The following SH3GL1 variants were observed in gnomAD, a reference collection of about 807,000 sequenced individuals.
SH3GL1 encodes SH3 domain containing GRB2 like 1, endophilin A2.
A neutral mutation model predicts 48.8 loss-of-function variants in SH3GL1; 21 were observed. The observed-to-expected ratio is 0.43, with a 90% CI of 0.30 to 0.62. The LOEUF is 0.62. Among genes scored for constraint, SH3GL1 ranks in the 20% least tolerant of loss-of-function variants. SH3GL1 has a pLI of 0.11. For missense variants in SH3GL1, 454 were observed against 503.0 expected (o/e 0.90, Z 0.93); for synonymous variants, 282 against 217.5 (o/e 1.30, Z -2.61).
chr19:4,388,171 T>C (rs1973270834), intron 1 of SH3GL1, among the ~76,000 whole-genome samples: 1 of 152,156 alleles, frequency 6.6e-6, no homozygotes, highest in African/African-American at 2.4e-5. Flanking sequence ...TTCCAGTTAC[T>C]GTTATTGAGC....
At chr19:4,363,960 C>T (rs1972699957) in intron 5 of SH3GL1, 82 bp from the exon 6 acceptor site, 1 of 1,604,320 alleles carries the variant, frequency 6.2e-7, no homozygotes, top group African/African-American at 1.3e-5. Context: ...TGTCCCTGCA[C>T]CACTGGGGAT....
Position 4,380,487 on chromosome 19 carries a change from A to G in SH3GL1, c.46-13493T>C, listed in dbSNP as rs113339745. ...GAGCACGCAGGAGAGAGGGCATGAC[A>G]TGAGCCTGCAGCAGTGAGGCTGGCT... On this transcript the variant is annotated intron_variant, in intron 1 of 9. Coordinates refer to ENST00000269886, the MANE Select transcript of SH3GL1 (RefSeq NM_003025.4). Among the ~76,000 whole-genome samples, 63 of 152,254 alleles carry G rather than the reference A, an allele frequency of 4.1e-4. No homozygotes were observed. The Middle Eastern group carries it at 0.01, about 25-fold the overall frequency.
chr19:4,363,935 A>G (rs944242276), intron 5 of SH3GL1, 57 bp from the exon 6 acceptor site: 22 of 1,609,896 alleles, frequency 1.4e-5, no homozygotes, highest in Admixed American at 5.0e-5. Context: ...CGCCCCACGC[A>G]TGGCTTTGAC....
intron 1 of SH3GL1, among the ~76,000 whole-genome samples, chr19:4,397,225 C>T (rs1164441731): frequency 6.6e-6 from 1 of 152,168 alleles, no homozygotes; most frequent in East Asian, 1.9e-4. Flanking sequence ...TCTAAGAGCA[C>T]GACTCAGGAC....
At chr19:4,382,830 G>C (rs1023658615) in intron 1 of SH3GL1, among the ~76,000 whole-genome samples, 1 of 152,182 alleles carries the variant, frequency 6.6e-6, no homozygotes, top group Non-Finnish European at 1.5e-5. Context: ...CTGAGCCACT[G>C]TTCAGAGGGG....
rs1231351728 is a variant in SH3GL1, at chr19:4,367,330, C to T, written c.46-336G>A. ...AGCCTCAGCCTGAGAACACATGGCT[C>T]AGAAGACACTGCTTCCAGAAGCGCC... On this transcript the variant is annotated intron_variant, in intron 1 of 9. Coordinates refer to ENST00000269886, the MANE Select transcript of SH3GL1 (RefSeq NM_003025.4). The surrounding 1 kb of genome is among the most constrained non-coding windows in gnomAD (Gnocchi z 4.2). Among the ~76,000 whole-genome samples, 1 of 152,168 alleles carries T rather than the reference C, an allele frequency of 6.6e-6. No individual in the cohort carries two copies. The highest frequency in any genetic ancestry group is 1.5e-5 in the Non-Finnish European group (1 of 68,020).
chr19:4,394,888 A>G (rs1326132308), intron 1 of SH3GL1, among the ~76,000 whole-genome samples: 2 of 152,134 alleles, frequency 1.3e-5, no homozygotes, highest in Non-Finnish European at 2.9e-5. Flanking sequence ...ATGCTTGGCA[A>G]CCATCCCTGG....
chr19:4,366,987 C>A lies in SH3GL1; in HGVS notation c.53G>T (p.Ser18Ile). 6.2e-7 allele frequency: 1 copy of A among 1,614,030 alleles called. No homozygotes were observed. The highest frequency in any genetic ancestry group is 8.5e-7 in the Non-Finnish European group (1 of 1,179,908). ...CCCCTCGGCCCCTCCGACCTTCTCA[C>A]TGACCAGCTAGAGGACAGAAGAGGG... ...KQFYKASQLV[S>I]EKVGGAEGTK... The change falls in exon 2 of 10, where the codon AGT becomes ATT. Residue 18 changes from serine to isoleucine, a missense_variant. By Grantham distance (142) the Ser-to-Ile change is moderately radical. Around this residue, in one of 2 missense-constraint regions of SH3GL1, gnomAD observed 176 missense variants for 256.2 expected, o/e 0.69. Transcript: ENST00000269886.
chr19:4,362,406 G>A (rs748060140), intron 8 of SH3GL1, 21 bp from the exon 9 acceptor site: 3 of 1,606,034 alleles, frequency 1.9e-6, no homozygotes, highest in Non-Finnish European at 2.6e-6. Context: ...GCAAAACGAG[G>A]AGGCTGTGGG....
chr19:4,379,922 G>C (rs1599608511), intron 1 of SH3GL1, among the ~76,000 whole-genome samples: 1 of 152,326 alleles, frequency 6.6e-6, no homozygotes, highest in East Asian at 1.9e-4. Context: ...GCCACTTCCT[G>C]AGCTACGAGC....
intron 1 of SH3GL1, among the ~76,000 whole-genome samples, chr19:4,385,397 A>G (rs934921410): frequency 6.6e-6 from 1 of 152,204 alleles, no homozygotes; most frequent in Non-Finnish European, 1.5e-5. Flanking sequence ...CGTGTGGCCC[A>G]GGGAATGTGT....
rs971804148 is a variant in SH3GL1, at chr19:4,366,875, T to G, written c.114+51A>C. 3 of 1,568,206 alleles carry G rather than the reference T, an allele frequency of 1.9e-6. No individual in the cohort carries two copies. In the African/African-American group the frequency reaches 4.1e-5, roughly 21 times the overall value. ...CCGCCTCCACTATGCCCGGCAGAGG[T>G]CAGGCCCCAGCAGTGCCACCACCAC... On this transcript the variant is annotated intron_variant, in intron 2 of 9. Transcript: ENST00000269886.
At position 4,361,440 on chromosome 19, in the gene SH3GL1, G is replaced by T; in HGVS notation, c.*160C>A. 1 of 607,192 alleles carries T rather than the reference G, an allele frequency of 1.6e-6. No homozygotes were observed. The highest frequency in any genetic ancestry group is 2.9e-6 in the Non-Finnish European group (1 of 344,758). 37.6% of individuals were successfully genotyped at this position (607,192 alleles called of 1,614,324 possible). ...CACCCAGATAAGCCCCCCCACCCAA[G>T]TGTGGGGTCCTGCTCAGGGAGTACC... On this transcript the variant is annotated 3_prime_UTR_variant, in exon 10 of 10. Transcript: ENST00000269886.
chr19:4,377,582 G>C (rs1024175721), intron 1 of SH3GL1, among the ~76,000 whole-genome samples: 1 of 152,174 alleles, frequency 6.6e-6, no homozygotes, highest in Admixed American at 6.5e-5. Flanking sequence ...GGTGAGAGGC[G>C]GTCAGCAGCT....
Position 4,361,620 on chromosome 19 carries a change from G to A in SH3GL1, c.1087C>T (p.Leu363Phe), listed in dbSNP as rs1221350699. ...GTGAGTCACTGCGGCAGGGGCACAAGCACCTCCACGTAGCTGAGCGGGAAG... is the reference window on the plus strand; with the variant it reads ...GTGAGTCACTGCGGCAGGGGCACAAACACCTCCACGTAGCTGAGCGGGAAG... ...GFFPLSYVEV[L>F]VPLPQ The change falls in exon 10 of 10, where the codon CTT becomes TTT. Residue 363 changes from leucine (L) to phenylalanine (F), a missense_variant. By Grantham distance (22) the Leu-to-Phe change is conservative. Transcript: ENST00000269886. 1 of 1,602,818 alleles carries A rather than the reference G, an allele frequency of 6.2e-7. No homozygotes were observed. The highest frequency in any genetic ancestry group is 8.5e-7 in the Non-Finnish European group (1 of 1,177,852).
At position 4,367,096 on chromosome 19, in the gene SH3GL1, G is replaced by A; in HGVS notation, c.46-102C>T. 5 of 1,030,560 alleles carry A rather than the reference G, an allele frequency of 4.9e-6. No homozygotes were observed. In the Admixed American group the frequency reaches 5.1e-5, roughly 10 times the overall value. 63.8% of individuals were successfully genotyped at this position (1,030,560 alleles called of 1,614,324 possible). ...TCCAGCCACATCGCATCCACAGCTG[G>A]AGGCAGGAGGCCAAGTGATCAGGAC... is the stretch of plus-strand genomic sequence containing the variant. On this transcript the variant is annotated intron_variant, in intron 1 of 9. Coordinates refer to ENST00000269886, the MANE Select transcript of SH3GL1 (RefSeq NM_003025.4). This position sits in a 1 kb window ranked among gnomAD's most constrained non-coding sequence, Gnocchi z 4.2.
intron 9 of SH3GL1, 120 bp downstream of exon 9, chr19:4,362,209 C>T: frequency 9.7e-7 from 1 of 1,029,872 alleles, no homozygotes; most frequent in Non-Finnish European, 1.5e-6. Context: ...CCCCCTACTG[C>T]TGCACGAGCC....
chr19:4,393,527 T>C (rs1241353540), intron 1 of SH3GL1, among the ~76,000 whole-genome samples: 1 of 152,052 alleles, frequency 6.6e-6, no homozygotes, highest in African/African-American at 2.4e-5. Flanking sequence ...GCACAGTGGC[T>C]CACTCCTGTA....
chr19:4,392,738 T>C (rs963713862), intron 1 of SH3GL1, among the ~76,000 whole-genome samples: 2 of 151,836 alleles, frequency 1.3e-5, no homozygotes, highest in Admixed American at 1.3e-4. Context: ...CCTGAGGAGT[T>C]CAAAACCAGC....
Sources: allele counts gnomAD v4.1 joint callset (sites outside exome capture counted in the v4.1 genomes callset), GRCh38; gene constraint gnomAD v4.1.1; regional missense constraint gnomAD v4.1.1; non-coding constraint Gnocchi (gnomAD v3.1); transcripts MANE v1.5; gene names NCBI Gene and HGNC (gene_info 2026-07-23, HGNC 2026-07-21).